E2F1: variants seen among roughly 807,000 people sequenced by gnomAD.
E2F1 encodes the protein transcription factor E2F1.
E2F1 carries 7 observed loss-of-function variants against 36.9 expected under a neutral mutation model. The ratio of observed to expected loss-of-function variants is 0.19; its 90% CI spans 0.11 to 0.36. The LOEUF (loss-of-function observed/expected upper bound fraction) is 0.36, where lower values mean the gene tolerates loss of function less well. Ranked by LOEUF, E2F1 falls within the 10% of genes least tolerant of loss-of-function variation. The pLI, the probability that E2F1 is intolerant of heterozygous loss-of-function variation, is 1.00. For synonymous variants in E2F1, 261 were observed against 263.1 expected (o/e 0.99, Z 0.08); for missense variants, 406 against 573.6 (o/e 0.71, Z 2.99).
At chr20:33,680,063 A>G in intron 2 of E2F1, 89 bp from the exon 3 acceptor site, 1 of 1,175,280 alleles carries the variant, frequency 8.5e-7, no homozygotes, top group Admixed American at 2.0e-5. Flanking sequence ...GCAGGGCAGC[A>G]GGATGATGGG....
intron 1 of E2F1, among the ~76,000 whole-genome samples, chr20:33,680,812 TA>T (rs1223024752): frequency 6.6e-6 from 1 of 152,164 alleles, no homozygotes; most frequent in African/African-American, 2.4e-5. Context: ...CCTTGCTCTG[TA>T]TTGGGTCACT....
intron 4 of E2F1, 62 bp downstream of exon 4, chr20:33,678,139 C>T (rs1166689109): frequency 6.4e-7 from 1 of 1,553,292 alleles, no homozygotes. Context: ...TCTAGTCCCA[C>T]TTGGGTGGAG....
intron 1 of E2F1, among the ~76,000 whole-genome samples, chr20:33,681,667 C>A (rs1464163593): frequency 1.3e-5 from 2 of 152,120 alleles, no homozygotes; most frequent in Non-Finnish European, 2.9e-5. Flanking sequence ...CGGACCAAAA[C>A]CAGACTGATC....
Position 33,676,712 on chromosome 20 carries a change from C to A in E2F1, c.*20G>T. Reference sequence around the variant, plus strand: ...AGACAAGGTGAGCATCTCTGGAAACCCTGGTCCCTCCAAGCCCTGTCAGAA... The same window carrying A: ...AGACAAGGTGAGCATCTCTGGAAACACTGGTCCCTCCAAGCCCTGTCAGAA... On this transcript the variant is annotated 3_prime_UTR_variant, in exon 7 of 7. Coordinates refer to ENST00000343380, the MANE Select transcript of E2F1 (RefSeq NM_005225.3). 2.5e-6 allele frequency: 4 copies of A among 1,588,494 alleles called. No homozygotes were observed. The highest frequency in any genetic ancestry group is 3.4e-6 in the Non-Finnish European group (4 of 1,166,460).
At chr20:33,683,046 T>C (rs911105808) in intron 1 of E2F1, among the ~76,000 whole-genome samples, 3 of 152,042 alleles carry the variant, frequency 2.0e-5, no homozygotes, top group Non-Finnish European at 4.4e-5. Flanking sequence ...TTTTTAAAAC[T>C]TTAAAAAACA....
rs900456459 is a variant in E2F1, at chr20:33,679,146, G to A, written c.572+609C>T. Among the ~76,000 whole-genome samples the A allele has an allele frequency of 2.0e-5, 3 of 152,264 alleles. No homozygotes were observed. The highest frequency in any genetic ancestry group is 2.9e-5 in the Non-Finnish European group (2 of 68,052). On this transcript the variant is annotated intron_variant, in intron 3 of 6. Coordinates refer to ENST00000343380, the MANE Select transcript of E2F1 (RefSeq NM_005225.3). The surrounding 1 kb of genome is among the most constrained non-coding windows in gnomAD (Gnocchi z 4.6). The stretch of plus-strand genomic sequence containing the variant: ...GAAGCCAGGATAGTGGTGACCTGGC[G>A]GTGTGAGGGGTTGGCAATGACTGGA...
chr20:33,680,086 G>C, intron 2 of E2F1, 112 bp from the exon 3 acceptor site: 1 of 1,010,450 alleles, frequency 9.9e-7, no homozygotes, highest in Non-Finnish European at 1.5e-6. Flanking sequence ...CTGGGGGACA[G>C]CCAGCTCCTT....
At chr20:33,683,433 A>G (rs1210339661) in intron 1 of E2F1, among the ~76,000 whole-genome samples, 1 of 145,160 alleles carries the variant, frequency 6.9e-6, no homozygotes, top group African/African-American at 2.7e-5. Flanking sequence ...CCTAGGTGAC[A>G]GAGCGAGACT....
intron 1 of E2F1, among the ~76,000 whole-genome samples, chr20:33,684,402 C>A (rs965489684): frequency 2.6e-5 from 4 of 152,020 alleles, no homozygotes; most frequent in African/African-American, 9.7e-5. Flanking sequence ...CCTGGTACAA[C>A]CCCCTCCCAC....
At chr20:33,682,826 T>G (rs1174986485) in intron 1 of E2F1, among the ~76,000 whole-genome samples, 1 of 152,246 alleles carries the variant, frequency 6.6e-6, no homozygotes, top group African/African-American at 2.4e-5. Context: ...CCGAGGCAGG[T>G]TGACAAGAAT....
At chr20:33,681,000 C>T (rs2018011975) in intron 1 of E2F1, among the ~76,000 whole-genome samples, 1 of 152,166 alleles carries the variant, frequency 6.6e-6, no homozygotes, top group Admixed American at 6.5e-5. Flanking sequence ...ATTCCTGACC[C>T]ACAAAAACTA....
Position 33,677,451 on chromosome 20 carries a change from T to G in E2F1, c.815A>C (p.Gln272Pro). Residue 272 changes from glutamine (Q) to proline (P), a missense_variant, in exon 5 of 7, where the codon CAG (glutamine) becomes CCG (proline). This residue lies in a region of E2F1 where 93 missense variants were observed against 143.3 expected (regional missense o/e 0.65). Transcript: ENST00000343380. ...VMVIKAPPET[Q>P]LQAVDSSENF... ...CTCCGAAGAGTCCACGGCTTGGAGC[T>G]GGGTCTCAGGAGGGGCTTTGATCAC... 6.2e-7 allele frequency: 1 copy of G among 1,614,128 alleles called. No homozygotes were observed. The highest frequency in any genetic ancestry group is 8.5e-7 in the Non-Finnish European group (1 of 1,179,988).
At chr20:33,684,062 G>A (rs2018041851) in intron 1 of E2F1, among the ~76,000 whole-genome samples, 1 of 152,180 alleles carries the variant, frequency 6.6e-6, no homozygotes, top group South Asian at 2.1e-4. Flanking sequence ...TACACTGGGG[G>A]CCAGGGCTCC....
chr20:33,684,502 G>A (rs954328684), intron 1 of E2F1, among the ~76,000 whole-genome samples: 11 of 152,130 alleles, frequency 7.2e-5, no homozygotes, highest in Non-Finnish European at 2.9e-5. Flanking sequence ...CATCCCAGAG[G>A]TCAACCTCAG....
intron 3 of E2F1, among the ~76,000 whole-genome samples, 165 bp from the exon 4 acceptor site, chr20:33,678,518 G>A (rs929484530): frequency 6.6e-6 from 1 of 152,244 alleles, no homozygotes; most frequent in Non-Finnish European, 1.5e-5. Flanking sequence ...AAATCAGAGT[G>A]TCATGGGCTT....
At position 33,677,433 on chromosome 20, in the gene E2F1, G is replaced by A; in HGVS notation, c.833C>T (p.Ser278Phe). The A allele has an allele frequency of 6.2e-7, 1 of 1,614,074 alleles. No homozygotes were observed. Among genetic ancestry groups the A allele is most frequent in the Admixed American group, 1.7e-5 (1 of 60,022 alleles). Residue 278 changes from serine (S) to phenylalanine (F), a missense_variant, in exon 5 of 7, where the codon TCT (serine) becomes TTT (phenylalanine). Transcript: ENST00000343380. ...PPETQLQAVD[S>F]SENFQISLKS... ...GGAGTTCCCAGATCTCACCTCCGAAGAGTCCACGGCTTGGAGCTGGGTCTC... is the reference window on the plus strand; with the variant it reads ...GGAGTTCCCAGATCTCACCTCCGAAAAGTCCACGGCTTGGAGCTGGGTCTC...
rs754664188 is a variant in E2F1, at chr20:33,679,110, C to T, written c.572+645G>A. On this transcript the variant is annotated intron_variant, in intron 3 of 6. Transcript: ENST00000343380. The surrounding 1 kb of genome is among the most constrained non-coding windows in gnomAD (Gnocchi z 4.6). ...AATATCTATGCCAGACAGATCTCAC[C>T]GAGGGCATGAGAAGCCAGGATAGTG... 3.3e-5 allele frequency among the ~76,000 whole-genome samples: 5 copies of T among 152,186 alleles called. No individual in the cohort carries two copies. The highest frequency in any genetic ancestry group is 6.5e-5 in the Admixed American group (1 of 15,280).
Position 33,676,377 on chromosome 20 carries a change from T to TCATGCACACACATGTGGACA in E2F1, c.*335_*354dup, listed in dbSNP as rs2017956114. ...AGCCCCCCCACGCGCACACATGGAC[T>TCATGCACACACATGTGGACA]CATGCACACACATGTGGACACACTG... is the stretch of plus-strand genomic sequence containing the variant. On this transcript the variant is annotated 3_prime_UTR_variant, in exon 7 of 7. Coordinates refer to ENST00000343380, the MANE Select transcript of E2F1 (RefSeq NM_005225.3). 1.0e-5 allele frequency: 2 copies of TCATGCACACACATGTGGACA among 198,040 alleles called. No homozygotes were observed. The allele number at this position is 198,040 out of a possible 1,614,324, so 12.3% of individuals were successfully genotyped here. A position where few individuals can be genotyped will look rare whatever the true frequency, so the allele number is the denominator to read the frequency against.
At chr20:33,680,572 G>C (rs1478980497) in intron 1 of E2F1, among the ~76,000 whole-genome samples, 156 bp from the exon 2 acceptor site, 1 of 152,224 alleles carries the variant, frequency 6.6e-6, no homozygotes, top group Admixed American at 6.5e-5. Flanking sequence ...TAGCCTGAGA[G>C]TCACAGTCCT....
Sources: allele counts gnomAD v4.1 joint callset (sites outside exome capture counted in the v4.1 genomes callset), GRCh38; gene constraint gnomAD v4.1.1; regional missense constraint gnomAD v4.1.1; non-coding constraint Gnocchi (gnomAD v3.1); transcripts MANE v1.5; gene names NCBI Gene and HGNC (gene_info 2026-07-23, HGNC 2026-07-21).